DPY19L1: variants seen among roughly 807,000 people sequenced by gnomAD.
DPY19L1 encodes dpy-19 like C-mannosyltransferase 1, also known as protein C-mannosyl-transferase DPY19L1.
In DPY19L1, 35 loss-of-function variants were observed where a neutral mutation model predicts 96.9. The ratio of observed to expected loss-of-function variants is 0.36; its 90% CI spans 0.28 to 0.48. DPY19L1 has a LOEUF of 0.48. Among genes scored for constraint, DPY19L1 ranks in the 20% least tolerant of loss-of-function variants. The pLI is 0.99. For missense variants in DPY19L1, 521 were observed against 777.9 expected (o/e 0.67, Z 3.93); for synonymous variants, 205 against 252.6 (o/e 0.81, Z 1.79).
intron 6 of DPY19L1, among the ~76,000 whole-genome samples, chr7:34,993,232 T>C (rs1163583086): frequency 1.3e-5 from 2 of 152,218 alleles, no homozygotes; most frequent in East Asian, 1.9e-4. Context: ...CTTAAAACTA[T>C]AGTCTCCTAA....
intron 3 of DPY19L1, among the ~76,000 whole-genome samples, chr7:35,015,866 G>A (rs1362670310): frequency 2.0e-5 from 3 of 152,196 alleles, no homozygotes; most frequent in African/African-American, 2.4e-5. Context: ...GTTGCCCTGT[G>A]AAGAAGCGAA....
chr7:34,998,768 T>C (rs568881256), intron 6 of DPY19L1, among the ~76,000 whole-genome samples: 2 of 152,172 alleles, frequency 1.3e-5, no homozygotes, highest in Admixed American at 6.5e-5. Context: ...CATTCTTAGA[T>C]ACAAATGTCA....
Position 35,037,444 on chromosome 7 carries a change from G to A in DPY19L1, c.-50C>T. 3.2e-6 allele frequency: 1 copy of A among 315,446 alleles called. No individual in the cohort carries two copies. The highest frequency in any genetic ancestry group is 5.8e-6 in the Non-Finnish European group (1 of 172,186). 19.5% of individuals were successfully genotyped at this position (315,446 alleles called of 1,614,324 possible). On this transcript the variant is annotated 5_prime_UTR_variant, in exon 1 of 22. Transcript: ENST00000638088. The stretch of plus-strand genomic sequence containing the variant: ...TGCGCGCGCCCGGACGGCGGCCAGA[G>A]AACGGCGGGCTGGCTGGGCGGCTGG...
At chr7:34,975,532 T>A (rs891470126) in intron 7 of DPY19L1, among the ~76,000 whole-genome samples, 18 of 152,206 alleles carry the variant, frequency 1.2e-4, no homozygotes, top group Admixed American at 1.0e-3. Context: ...GCAATGCTGA[T>A]GTAGACGCTG....
At position 34,949,665 on chromosome 7, in the gene DPY19L1, T is replaced by C. The variant is rs115629967; in HGVS notation, c.1422+132A>G. On this transcript the variant is annotated intron_variant, in intron 14 of 21. Coordinates refer to ENST00000638088, the MANE Select transcript of DPY19L1 (RefSeq NM_001366673.1). ...TAAAGTAAACAGAAAAATCTTCCTC[T>C]AAGCTGCCAGATTTTCCTTTTCCTT... 6.7e-3 allele frequency: 4,040 copies of C among 607,452 alleles called. 46 individuals are homozygous for C. Among genetic ancestry groups the C allele is most frequent in the Middle Eastern group, 0.025 (96 of 3,876 alleles). 37.6% of individuals were successfully genotyped at this position (607,452 alleles called of 1,614,324 possible).
intron 10 of DPY19L1, 62 bp downstream of exon 10, chr7:34,966,832 A>G: frequency 7.3e-7 from 1 of 1,369,478 alleles, no homozygotes; most frequent in Admixed American, 2.9e-5. Flanking sequence ...ATGAACAAAT[A>G]AAATATTAAT....
At chr7:34,997,861 AT>A (rs1273555435) in intron 6 of DPY19L1, among the ~76,000 whole-genome samples, 21 of 152,212 alleles carry the variant, frequency 1.4e-4, no homozygotes, top group African/African-American at 4.8e-4. Flanking sequence ...ACAAAACACT[AT>A]TCCATTCTGC....
chr7:34,975,253 T>G (rs1784808076), intron 7 of DPY19L1, among the ~76,000 whole-genome samples: 1 of 152,068 alleles, frequency 6.6e-6, no homozygotes, highest in African/African-American at 2.4e-5. Flanking sequence ...CAGTCAGAAA[T>G]GCAAAAGAAA....
At chr7:34,942,026 T>G (rs1784031108) in intron 17 of DPY19L1, 142 bp from the exon 18 acceptor site, 4 of 877,872 alleles carry the variant, frequency 4.6e-6, no homozygotes, top group Non-Finnish European at 6.8e-6. Context: ...AAACAATTCT[T>G]AAAATTCACT....
rs1208013988 is a variant in DPY19L1 at position 35,025,556 on chromosome 7, T to A, written c.299-6960A>T. Reference sequence around the variant, plus strand: ...CCTCAAGACATGGATATAACTTAGGTGTGGATTTATGGCAAACAGCCAGAA... The same window carrying A: ...CCTCAAGACATGGATATAACTTAGGAGTGGATTTATGGCAAACAGCCAGAA... On this transcript the variant is annotated intron_variant, in intron 1 of 21. Transcript: ENST00000638088. Among the ~76,000 whole-genome samples the A allele has an allele frequency of 5.9e-5, 9 of 152,094 alleles. No homozygotes were observed. The East Asian group carries it at 1.6e-3, about 26-fold the overall frequency.
At chr7:34,987,877 G>A (rs1320319532) in intron 7 of DPY19L1, 1 of 151,930 alleles carries the variant, frequency 6.6e-6, no homozygotes, top group Non-Finnish European at 1.5e-5. Flanking sequence ...GCCATTACCT[G>A]TATTTTCACA....
intron 4 of DPY19L1, 60 bp downstream of exon 4, chr7:35,013,508 C>T (rs1180109008): frequency 3.0e-6 from 4 of 1,328,726 alleles, no homozygotes; most frequent in Non-Finnish European, 4.3e-6. Flanking sequence ...TTAGAATCAG[C>T]GTTTAATACA....
At chr7:34,991,448 T>C (rs535762795) in intron 6 of DPY19L1, among the ~76,000 whole-genome samples, 1 of 152,246 alleles carries the variant, frequency 6.6e-6, no homozygotes, top group African/African-American at 2.4e-5. Context: ...CAGAGGAGCT[T>C]AGAAAGCAGT....
At position 34,947,659 on chromosome 7, in the gene DPY19L1, G is replaced by A. The variant is rs753166674; in HGVS notation, c.1465C>T (p.Leu489Phe). Residue 489 changes from leucine to phenylalanine, a missense_variant, in exon 15 of 22, where the codon CTT (leucine) becomes TTT (phenylalanine). Leu to Phe is a conservative substitution (Grantham distance 22). Coordinates refer to ENST00000638088, the MANE Select transcript of DPY19L1 (RefSeq NM_001366673.1). ...YTKTLLLPVV[L>F]VVFVAIVRKI... ...CTAACAATAGCAACAAACACTACAA[G>A]AACAACTGGAAGCAATAATGTCTTT... The A allele has an allele frequency of 1.9e-6, 3 of 1,611,884 alleles. No homozygotes were observed. Among genetic ancestry groups the A allele is most frequent in the Non-Finnish European group, 2.5e-6 (3 of 1,178,972 alleles).
chr7:34,954,582 G>A (rs573924107), intron 13 of DPY19L1, 116 bp downstream of exon 13: 1 of 578,604 alleles, frequency 1.7e-6, no homozygotes, highest in Non-Finnish European at 3.0e-6. Flanking sequence ...AAAATAATAG[G>A]TGAACAGACT....
intron 1 of DPY19L1, among the ~76,000 whole-genome samples, chr7:35,033,847 G>A (rs766489588): frequency 3.1e-4 from 47 of 151,792 alleles, no homozygotes; most frequent in Non-Finnish European, 5.6e-4. Context: ...TGCCTCCCAG[G>A]GTACAATGGC....
intron 7 of DPY19L1, among the ~76,000 whole-genome samples, chr7:34,978,538 A>G (rs371030998): frequency 6.6e-6 from 1 of 152,092 alleles, no homozygotes; most frequent in African/African-American, 2.4e-5. Flanking sequence ...TGGCTTGAGT[A>G]TCTCTTGTTT....
At chr7:35,005,448 A>G (rs1341303460) in intron 6 of DPY19L1, among the ~76,000 whole-genome samples, 1 of 151,020 alleles carries the variant, frequency 6.6e-6, no homozygotes, top group Non-Finnish European at 1.5e-5. Context: ...TGGGGAGAGG[A>G]GGAAGGGGTG....
intron 19 of DPY19L1, 118 bp downstream of exon 19, chr7:34,940,035 G>T: frequency 1.1e-6 from 1 of 887,992 alleles, no homozygotes; most frequent in Non-Finnish European, 1.6e-6. Context: ...AAGCAACATT[G>T]CATAGAAAGA....
Sources: allele counts gnomAD v4.1 joint callset (sites outside exome capture counted in the v4.1 genomes callset), GRCh38; gene constraint gnomAD v4.1.1; transcripts MANE v1.5; gene names NCBI Gene and HGNC (gene_info 2026-07-23, HGNC 2026-07-21).